Variants in FLT3 observed in about 807,000 individuals in gnomAD.
The protein encoded by FLT3 is receptor-type tyrosine-protein kinase FLT3.
A neutral mutation model predicts 126.6 loss-of-function variants in FLT3; 46 were observed. That is an observed-to-expected ratio of 0.36 (90% CI 0.29 to 0.46). The LOEUF (loss-of-function observed/expected upper bound fraction) is 0.46, where lower values mean the gene tolerates loss of function less well. Ranked by LOEUF, FLT3 falls within the 20% of genes least tolerant of loss-of-function variation. The pLI is 1.00. For missense variants in FLT3, 1,069 were observed against 1,190.3 expected, an observed-to-expected ratio of 0.90 and a Z score of 1.50; for synonymous variants, 404 against 434.4, an observed-to-expected ratio of 0.93 and a Z score of 0.87.
intron 23 of FLT3, 97 bp from the exon 24 acceptor site, chr13:28,004,271 T>C (rs939844202): frequency 3.2e-6 from 4 of 1,266,000 alleles, no homozygotes; most frequent in Non-Finnish European, 4.4e-6. Flanking sequence ...AAACAGTTGT[T>C]CTATATAGAC....
Position 28,003,603 on chromosome 13 carries a change from A to G in FLT3, c.*449T>C, listed in dbSNP as rs1029637760. The stretch of plus-strand genomic sequence containing the variant: ...CTAATTATACCATGTAAATAATTCA[A>G]TAATGGGCAATTCTGTAGTAGAAAT... On this transcript the variant is annotated 3_prime_UTR_variant, in exon 24 of 24. Coordinates refer to ENST00000241453, the MANE Select transcript of FLT3 (RefSeq NM_004119.3). 14 of 246,704 alleles carry G rather than the reference A, an allele frequency of 5.7e-5. No individual in the cohort carries two copies. The Admixed American group carries it at 6.5e-4, about 11-fold the overall frequency. The allele number at this position is 246,704 out of a possible 1,614,324, so 15.3% of individuals were successfully genotyped here. A position where few individuals can be genotyped will look rare whatever the true frequency, so the allele number is the denominator to read the frequency against.
intron 1 of FLT3, among the ~76,000 whole-genome samples, chr13:28,091,388 A>AT (rs899065003): frequency 6.8e-6 from 1 of 146,870 alleles, no homozygotes; most frequent in Non-Finnish European, 1.5e-5. Context: ...CGCCCGGCTA[A>AT]TTTTTTGTAT....
At chr13:28,092,771 T>C (rs966363381) in intron 1 of FLT3, among the ~76,000 whole-genome samples, 1 of 151,460 alleles carries the variant, frequency 6.6e-6, no homozygotes, top group African/African-American at 2.4e-5. Context: ...CAGCAATGAT[T>C]ACCCTTTCTT....
chr13:28,051,266 T>A (rs1875432045), intron 5 of FLT3, among the ~76,000 whole-genome samples: 1 of 152,184 alleles, frequency 6.6e-6, no homozygotes, highest in Non-Finnish European at 1.5e-5. Flanking sequence ...AGATGGAGTC[T>A]CACTCTGTCA....
At chr13:28,033,537 G>A (rs990232665) in intron 15 of FLT3, among the ~76,000 whole-genome samples, 5 of 151,980 alleles carry the variant, frequency 3.3e-5, no homozygotes, top group Admixed American at 3.3e-4. Flanking sequence ...GGTGGTGCAC[G>A]CCTGTAGCCC....
chr13:28,060,097 T>TA (rs1876398343), intron 3 of FLT3, among the ~76,000 whole-genome samples: 1 of 151,390 alleles, frequency 6.6e-6, no homozygotes, highest in South Asian at 2.1e-4. Context: ...ACAAGACACT[T>TA]AAAAAATCCC....
intron 16 of FLT3, 111 bp downstream of exon 16, chr13:28,028,067 T>G (rs887631768): frequency 1.1e-5 from 7 of 663,192 alleles, no homozygotes; most frequent in Non-Finnish European, 1.1e-5. Flanking sequence ...ACACTGTGAC[T>G]GAGAAAAGAC....
intron 3 of FLT3, among the ~76,000 whole-genome samples, chr13:28,059,659 T>A (rs4771209): frequency 0.74 from 113,038 of 152,018 alleles, 42,786 homozygotes; most frequent in East Asian, 0.95. Context: ...TTTAAAAAAA[T>A]TTTTTTTTAA....
chr13:28,048,237 T>C (rs534656268), intron 9 of FLT3, 38 bp downstream of exon 9: 6 of 1,532,904 alleles, frequency 3.9e-6, no homozygotes, highest in East Asian at 2.3e-5. Context: ...AGGAGAATTA[T>C]GCTAAAAATG....
chr13:28,054,476 C>G (rs374757646), intron 4 of FLT3, among the ~76,000 whole-genome samples: 1 of 151,734 alleles, frequency 6.6e-6, no homozygotes, highest in Non-Finnish European at 1.5e-5. Context: ...AATCCCAGCA[C>G]TTAGGGAGGG....
intron 23 of FLT3, among the ~76,000 whole-genome samples, chr13:28,010,222 T>C (rs1871242888): frequency 6.6e-6 from 1 of 152,210 alleles, no homozygotes; most frequent in Admixed American, 6.5e-5. Context: ...CAACTTGCTT[T>C]CATGCTGACT....
intron 1 of FLT3, among the ~76,000 whole-genome samples, chr13:28,082,576 A>G (rs1439475695): frequency 1.3e-5 from 2 of 151,724 alleles, no homozygotes; most frequent in African/African-American, 2.4e-5. Flanking sequence ...GCTCACTGCA[A>G]CCTCCACCTC....
intron 2 of FLT3, among the ~76,000 whole-genome samples, chr13:28,069,064 T>C (rs1027295979): frequency 6.6e-6 from 1 of 152,172 alleles, no homozygotes; most frequent in Non-Finnish European, 1.5e-5. Flanking sequence ...GCCAGATTAC[T>C]GAGCAATCTT....
intron 23 of FLT3, among the ~76,000 whole-genome samples, chr13:28,011,314 AAAAAG>A (rs1210959067): frequency 7.3e-6 from 1 of 136,742 alleles, no homozygotes; most frequent in African/African-American, 2.7e-5. Flanking sequence ...TGTCTCAAAA[AAAAAG>A]AAAAGAGGAG....
intron 9 of FLT3, among the ~76,000 whole-genome samples, chr13:28,042,177 AATAATAATAAT>A (rs1339056876): frequency 1.0e-4 from 15 of 143,374 alleles, no homozygotes; most frequent in African/African-American, 3.1e-4. Flanking sequence ...TAATAATAAT[AATAATAATAAT>A]AAATAAAAAT....
intron 15 of FLT3, 140 bp downstream of exon 15, chr13:28,033,747 C>A (rs189331364): frequency 2.9e-6 from 2 of 690,696 alleles, no homozygotes; most frequent in Non-Finnish European, 5.1e-6. Context: ...TGGGTTGACA[C>A]CCCAATCCAC....
intron 9 of FLT3, among the ~76,000 whole-genome samples, chr13:28,039,987 G>T (rs1874198303): frequency 6.6e-6 from 1 of 152,142 alleles, no homozygotes; most frequent in Non-Finnish European, 1.5e-5. Flanking sequence ...AGTCAGGGTG[G>T]CTTGGCCTAT....
At chr13:28,077,560 C>T (rs1878040194) in intron 1 of FLT3, among the ~76,000 whole-genome samples, 1 of 152,134 alleles carries the variant, frequency 6.6e-6, no homozygotes, top group Admixed American at 6.5e-5. Flanking sequence ...TCCCACAACA[C>T]GTGGGAATTC....
chr13:28,015,176 A>G lies in FLT3; in HGVS notation c.2734T>C (p.Phe912Leu). 9.4e-6 allele frequency: 15 copies of G among 1,602,900 alleles called. No homozygotes were observed. The highest frequency in any genetic ancestry group is 1.3e-5 in the Non-Finnish European group (15 of 1,170,022). The change falls in exon 22 of 24, where the codon TTT becomes CTT. Residue 912 changes from phenylalanine (F) to leucine (L), a missense_variant. Coordinates refer to ENST00000241453, the MANE Select transcript of FLT3 (RefSeq NM_004119.3). ...IQNGFKMDQP[F>L]YATEEIYIIM... ...ACTTACATTTCTTCTGTAGCATAAA[A>G]TGGCTGATCCATTTTAAATCCATTT...
Sources: gnomAD v4.1 joint callset for allele counts (sites outside exome capture counted in the v4.1 genomes callset) on GRCh38, gnomAD v4.1.1 for gene constraint, MANE v1.5 for transcripts, NCBI Gene and HGNC (gene_info 2026-07-23, HGNC 2026-07-21) for gene names.